The following RTN1 variants were observed in gnomAD, a reference collection of about 807,000 sequenced individuals.
The protein encoded by RTN1 is reticulon-1.
RTN1 carries 25 observed loss-of-function variants against 65.5 expected under a neutral mutation model. The ratio of observed to expected loss-of-function variants is 0.38; its 90% CI spans 0.28 to 0.53. The LOEUF (loss-of-function observed/expected upper bound fraction) is 0.53. RTN1 is among the 20% of genes least tolerant of loss of function. The pLI is 0.79. For missense variants in RTN1, 983 were observed against 1,025.4 expected, an observed-to-expected ratio of 0.96 and a Z score of 0.57; for synonymous variants, 471 against 447.6, an observed-to-expected ratio of 1.05 and a Z score of -0.66.
intron 1 of RTN1, among the ~76,000 whole-genome samples, chr14:59,837,033 C>A: frequency 7.6e-6 from 1 of 132,124 alleles, no homozygotes; most frequent in Admixed American, 7.7e-5. Flanking sequence ...GTAAGTATGG[C>A]CATATATATA....
chr14:59,819,717 G>A (rs114177358), intron 1 of RTN1, among the ~76,000 whole-genome samples: 2 of 152,118 alleles, frequency 1.3e-5, no homozygotes, highest in African/African-American at 4.8e-5. Flanking sequence ...CCTGCCTTGT[G>A]GGGAGGCGGC....
chr14:59,688,152 C>G (rs1256575227), intron 3 of RTN1, among the ~76,000 whole-genome samples: 1 of 152,112 alleles, frequency 6.6e-6, no homozygotes, highest in Non-Finnish European at 1.5e-5. Context: ...TCCAGGCATT[C>G]AAAGCACCTG....
At chr14:59,821,812 C>G (rs1886949359) in intron 1 of RTN1, among the ~76,000 whole-genome samples, 1 of 152,172 alleles carries the variant, frequency 6.6e-6, no homozygotes, top group South Asian at 2.1e-4. Flanking sequence ...TGAGAAATCA[C>G]ATTTATTGAT....
Position 59,653,873 on chromosome 14 carries a change from GA to G in RTN1, c.1766-46382del, listed in dbSNP as rs761995663. On this transcript the variant is annotated intron_variant, in intron 3 of 8. Coordinates refer to ENST00000267484, the MANE Select transcript of RTN1 (RefSeq NM_021136.3). ...CTAAACAGAATATTGTTATAACAAG[GA>G]AAGAGGAATTGAACAACATTTTATT... 2.0e-3 allele frequency among the ~76,000 whole-genome samples: 297 copies of G among 152,126 alleles called. 1 individual carries two copies. Among genetic ancestry groups the G allele is most frequent in the South Asian group, 3.5e-3 (17 of 4,808 alleles).
Position 59,726,934 on chromosome 14 carries a change from G to C in RTN1, c.1750C>G (p.Leu584Val). 6.2e-7 allele frequency: 1 copy of C among 1,611,976 alleles called. No individual in the cohort carries two copies. The highest frequency in any genetic ancestry group is 1.7e-4 in the Middle Eastern group (1 of 6,056). ...GATCCTTTACCTTTTTGCTTATTGA[G>C]AAACAGCAGTGGGGGCGGGGCGCCA... ...GPGAPPPLLF[L>V]NKQKAIDLLY... The change falls in exon 3 of 9, where the codon CTC becomes GTC. Residue 584 changes from leucine (L) to valine (V), a missense_variant. Coordinates refer to ENST00000267484, the MANE Select transcript of RTN1 (RefSeq NM_021136.3).
rs1452709826 is a variant in RTN1 at position 59,750,150 on chromosome 14, T to A, written c.242-3669A>T. On this transcript the variant is annotated intron_variant, in intron 1 of 8. Transcript: ENST00000267484. ...TATCTATAATATATAATATATATAT[T>A]ATAGATAATATATATTATATCTATA... Among the ~76,000 whole-genome samples, 30 of 52,802 alleles carry A rather than the reference T, an allele frequency of 5.7e-4. 2 individuals carry two copies. The highest frequency in any genetic ancestry group is 2.5e-3 in the African/African-American group (27 of 10,968). 34.6% of individuals were successfully genotyped at this position (52,802 alleles called of 152,430 possible).
At chr14:59,669,542 G>A (rs1883456232) in intron 3 of RTN1, among the ~76,000 whole-genome samples, 1 of 151,880 alleles carries the variant, frequency 6.6e-6, no homozygotes, top group Non-Finnish European at 1.5e-5. Context: ...TGAACATGGG[G>A]CATGTATACC....
rs1312282527 is a variant in RTN1, at chr14:59,746,259, C to A, written c.464G>T (p.Gly155Val). 2 of 1,613,078 alleles carry A rather than the reference C, an allele frequency of 1.2e-6. No homozygotes were observed. The highest frequency in any genetic ancestry group is 2.7e-5 in the African/African-American group (2 of 74,860). ...TPGPSLPDVP[G>V]IESRGLFSSD... is the part of the protein sequence containing the mutation. The stretch of plus-strand genomic sequence containing the variant: ...ACTAAATAAGCCACGAGACTCTATC[C>A]CAGGCACATCTGGTAAGGAGGGGCC... The change falls in exon 2 of 9, where the codon GGG becomes GTG. Residue 155 changes from glycine (G) to valine (V), a missense_variant. Coordinates refer to ENST00000267484, the MANE Select transcript of RTN1 (RefSeq NM_021136.3).
chr14:59,862,421 C>T (rs969842481), intron 1 of RTN1, among the ~76,000 whole-genome samples: 4 of 152,114 alleles, frequency 2.6e-5, no homozygotes, highest in African/African-American at 9.7e-5. Flanking sequence ...CTCAGTTTTC[C>T]ACTGCTTCTC....
chr14:59,710,301 T>A (rs1008896952), intron 3 of RTN1, among the ~76,000 whole-genome samples: 38 of 152,214 alleles, frequency 2.5e-4, no homozygotes, highest in Admixed American at 2.5e-3. Context: ...GTGTTGGGAT[T>A]ACAGGCATGA....
intron 1 of RTN1, among the ~76,000 whole-genome samples, chr14:59,852,988 G>A (rs1030890413): frequency 2.6e-5 from 4 of 152,088 alleles, no homozygotes; most frequent in African/African-American, 9.7e-5. Flanking sequence ...AATATTTGTT[G>A]AATAAAGGAT....
At position 59,749,268 on chromosome 14, in the gene RTN1, A is replaced by ATATATATATATCTATATATATC. The variant is rs1566711297; in HGVS notation, c.242-2788_242-2787insGATATATATAGATATATATATA. On this transcript the variant is annotated intron_variant, in intron 1 of 8. Transcript: ENST00000267484. The stretch of plus-strand genomic sequence containing the variant: ...TATATCTATATATCTATATATATCT[A>ATATATATATATCTATATATATC]TATATATATCTATATATATCTATAT... Among the ~76,000 whole-genome samples the ATATATATATATCTATATATATC allele has an allele frequency of 2.8e-3, 59 of 21,080 alleles. 7 individuals are homozygous for ATATATATATATCTATATATATC. Among genetic ancestry groups the ATATATATATATCTATATATATC allele is most frequent in the Admixed American group, 3.9e-3 (5 of 1,272 alleles). The allele number at this position is 21,080 out of a possible 152,430, so 13.8% of individuals were successfully genotyped here. A position where few individuals can be genotyped will look rare whatever the true frequency, so the allele number is the denominator to read the frequency against.
intron 1 of RTN1, among the ~76,000 whole-genome samples, chr14:59,769,665 T>A (rs1002120454): frequency 3.3e-5 from 5 of 152,214 alleles, no homozygotes; most frequent in South Asian, 2.1e-4. Flanking sequence ...TAAAAAGGGT[T>A]ATTTCTCTTT....
Position 59,607,300 on chromosome 14 carries a change from T to C in RTN1, c.1958A>G (p.Glu653Gly). Residue 653 changes from glutamate (E) to glycine (G), a missense_variant, in exon 4 of 9, where the codon GAA becomes GGA. Glu to Gly is a moderately conservative substitution (Grantham distance 98). Coordinates refer to ENST00000267484, the MANE Select transcript of RTN1 (RefSeq NM_021136.3). ...AGGCACTCACTTGAAAGGGTGGCCT[T>C]CGTCGGTTTTCTGCACTGCTTGTAA... Reference protein sequence around the residue: ...SVLQAVQKTDEGHPFKAYLEL... With the variant: ...SVLQAVQKTDGGHPFKAYLEL... 1 of 1,614,016 alleles carries C rather than the reference T, an allele frequency of 6.2e-7. No individual in the cohort carries two copies.
At chr14:59,734,294 A>G (rs1238501546) in intron 2 of RTN1, among the ~76,000 whole-genome samples, 1 of 152,146 alleles carries the variant, frequency 6.6e-6, no homozygotes, top group Non-Finnish European at 1.5e-5. Context: ...CAATGCAAAA[A>G]CTCTGAAAAC....
intron 2 of RTN1, among the ~76,000 whole-genome samples, chr14:59,744,036 C>G (rs1186838865): frequency 6.6e-6 from 1 of 152,034 alleles, no homozygotes; most frequent in African/African-American, 2.4e-5. Flanking sequence ...TCTTTAAGAC[C>G]CTTGGAGTTC....
intron 3 of RTN1, among the ~76,000 whole-genome samples, chr14:59,669,947 G>T (rs80109199): frequency 1.3e-5 from 2 of 151,994 alleles, no homozygotes; most frequent in African/African-American, 2.4e-5. Flanking sequence ...CCATTTTTTT[G>T]CTCATTTCTC....
At chr14:59,755,955 G>A (rs117733741) in intron 1 of RTN1, among the ~76,000 whole-genome samples, 78 of 152,214 alleles carry the variant, frequency 5.1e-4, no homozygotes, top group African/African-American at 1.8e-3. Flanking sequence ...AATAGATTTC[G>A]CTTTTGGTTT....
chr14:59,772,892 C>T (rs1422179704), intron 1 of RTN1, among the ~76,000 whole-genome samples: 1 of 152,048 alleles, frequency 6.6e-6, no homozygotes, highest in Admixed American at 6.6e-5. Flanking sequence ...AATCCTGTGG[C>T]TGTGTCTCTA....
Sources: gnomAD v4.1 joint callset for allele counts (sites outside exome capture counted in the v4.1 genomes callset) on GRCh38, gnomAD v4.1.1 for gene constraint, MANE v1.5 for transcripts, NCBI Gene and HGNC (gene_info 2026-07-23, HGNC 2026-07-21) for gene names.